STK24: variants seen among roughly 807,000 people sequenced by gnomAD.
STK24 encodes serine/threonine kinase 24.
STK24 carries 21 observed loss-of-function variants against 55.6 expected under a neutral mutation model. The ratio of observed to expected loss-of-function variants is 0.38; its 90% CI spans 0.27 to 0.54. The LOEUF (loss-of-function observed/expected upper bound fraction) is 0.54. Among genes scored for constraint, STK24 ranks in the 20% least tolerant of loss-of-function variants. The pLI, the probability that STK24 is intolerant of heterozygous loss-of-function variation, is 0.79. For synonymous variants in STK24, 200 were observed against 215.2 expected, an observed-to-expected ratio of 0.93 and a Z score of 0.62; for missense variants, 383 against 538.4, an observed-to-expected ratio of 0.71 and a Z score of 2.86.
At chr13:98,520,967 A>T (rs1314478445) in intron 1 of STK24, among the ~76,000 whole-genome samples, 1 of 152,218 alleles carries the variant, frequency 6.6e-6, no homozygotes. Context: ...TTAGTACAAA[A>T]TGAACCAAGG....
chr13:98,536,906 G>A (rs1220026062), intron 1 of STK24, among the ~76,000 whole-genome samples: 4 of 152,038 alleles, frequency 2.6e-5, no homozygotes, highest in African/African-American at 7.3e-5. Context: ...TCCTCCGCCT[G>A]TCCTCCAGTC....
intron 1 of STK24, among the ~76,000 whole-genome samples, chr13:98,571,919 TC>T (rs1449830907): frequency 6.6e-6 from 1 of 152,242 alleles, no homozygotes; most frequent in East Asian, 1.9e-4. Flanking sequence ...CACCCAGCAC[TC>T]CCCACACCTG....
intron 1 of STK24, among the ~76,000 whole-genome samples, chr13:98,529,609 T>C (rs1017989474): frequency 1.3e-5 from 2 of 152,182 alleles, no homozygotes; most frequent in Non-Finnish European, 2.9e-5. Context: ...AGTCCCTTTA[T>C]AGAAAATTCT....
chr13:98,546,216 C>A (rs1452280487), intron 1 of STK24, among the ~76,000 whole-genome samples: 1 of 152,164 alleles, frequency 6.6e-6, no homozygotes, highest in Non-Finnish European at 1.5e-5. Context: ...TCACAAGAGA[C>A]AGCTGTGAAA....
intron 8 of STK24, 84 bp downstream of exon 8, chr13:98,461,690 A>G: frequency 6.3e-7 from 1 of 1,574,976 alleles, no homozygotes; most frequent in South Asian, 1.1e-5. Context: ...CCCCAGCCGC[A>G]CCCACAGCAA....
At chr13:98,531,165 A>T (rs1896570269) in intron 1 of STK24, among the ~76,000 whole-genome samples, 1 of 152,242 alleles carries the variant, frequency 6.6e-6, no homozygotes, top group African/African-American at 2.4e-5. Context: ...TGTCTAAAGC[A>T]AGCCTATTCA....
intron 2 of STK24, among the ~76,000 whole-genome samples, chr13:98,513,102 C>T (rs1277311086): frequency 6.6e-6 from 1 of 152,192 alleles, no homozygotes; most frequent in African/African-American, 2.4e-5. Context: ...GCATTCACAG[C>T]CTCGAGAACA....
chr13:98,548,277 T>C (rs1439914552), intron 1 of STK24, among the ~76,000 whole-genome samples: 1 of 152,028 alleles, frequency 6.6e-6, no homozygotes, highest in Non-Finnish European at 1.5e-5. Flanking sequence ...AAAAACAAAG[T>C]TTTTTTTAAA....
chr13:98,496,788 G>T (rs1220080684), intron 2 of STK24, among the ~76,000 whole-genome samples: 5 of 152,134 alleles, frequency 3.3e-5, no homozygotes, highest in Non-Finnish European at 5.9e-5. Context: ...TTGATTAATC[G>T]GAGCCAACAA....
intron 2 of STK24, among the ~76,000 whole-genome samples, chr13:98,492,329 G>A (rs1236047348): frequency 6.6e-6 from 1 of 152,174 alleles, no homozygotes; most frequent in Admixed American, 6.5e-5. Flanking sequence ...TTCTATGTGT[G>A]AAGAGCGAAG....
At chr13:98,553,264 C>T (rs1405010048) in intron 1 of STK24, 1 of 152,280 alleles carries the variant, frequency 6.6e-6, no homozygotes, top group Non-Finnish European at 1.5e-5. Context: ...TCCCCAGAAG[C>T]CGAGGGGCCA....
intron 1 of STK24, among the ~76,000 whole-genome samples, chr13:98,526,550 C>T (rs1298742158): frequency 2.0e-5 from 3 of 152,186 alleles, no homozygotes. Flanking sequence ...CCAGCAAGCT[C>T]CTGTCTCCTC....
chr13:98,479,662 C>T (rs1374155065), intron 3 of STK24, among the ~76,000 whole-genome samples: 3 of 152,194 alleles, frequency 2.0e-5, no homozygotes, highest in Non-Finnish European at 4.4e-5. Flanking sequence ...CTTCCCCTCT[C>T]TAGGGTGCCC....
At position 98,482,245 on chromosome 13, in the gene STK24, G is replaced by T; in HGVS notation, c.330+20C>A. On this transcript the variant is annotated intron_variant, in intron 3 of 10. Transcript: ENST00000539966. ...GAGAAAAAGCTTTGATACGTATTCT[G>T]CATCCAACATAATACTTACTAGATC... 1.4e-6 allele frequency: 2 copies of T among 1,439,032 alleles called. No homozygotes were observed. The highest frequency in any genetic ancestry group is 1.3e-5 in the South Asian group (1 of 74,810). The allele number at this position is 1,439,032 out of a possible 1,614,324, so 89.1% of individuals were successfully genotyped here. A position where few individuals can be genotyped will look rare whatever the true frequency, so the allele number is the denominator to read the frequency against.
rs1185839382 is a variant in STK24 at position 98,576,770 on chromosome 13, A to C, written c.17T>G (p.Val6Gly). The change falls in exon 1 of 11, where the codon GTG becomes GGG. Residue 6 changes from valine to glycine, a missense_variant. Val to Gly is a moderately radical substitution (Grantham distance 109). Transcript: ENST00000539966. MAHSP[V>G]QSGLPGMQNL... is the part of the protein sequence containing the mutation. ...CTGCATGCCGGGCAGGCCCGACTGC[A>C]CCGGGGAGTGAGCCATGGCGCTCAG... 3 of 1,443,136 alleles carry C rather than the reference A, an allele frequency of 2.1e-6. No individual in the cohort carries two copies. Among genetic ancestry groups the C allele is most frequent in the Non-Finnish European group, 2.7e-6 (3 of 1,100,286 alleles). The allele number at this position is 1,443,136 out of a possible 1,614,324, so 89.4% of individuals were successfully genotyped here.
chr13:98,560,194 G>A (rs577634744), intron 1 of STK24, among the ~76,000 whole-genome samples: 24 of 152,316 alleles, frequency 1.6e-4, no homozygotes, highest in African/African-American at 5.8e-4. Context: ...TCCCCTCGAC[G>A]CTCCAGTCCT....
intron 1 of STK24, among the ~76,000 whole-genome samples, chr13:98,561,080 G>A (rs1161237598): frequency 6.6e-6 from 1 of 152,120 alleles, no homozygotes; most frequent in Non-Finnish European, 1.5e-5. Context: ...CAGTCTGCAG[G>A]CAGTGATCCT....
At chr13:98,513,757 G>A (rs571890930) in intron 2 of STK24, among the ~76,000 whole-genome samples, 16 of 152,254 alleles carry the variant, frequency 1.1e-4, no homozygotes, top group Non-Finnish European at 1.8e-4. Flanking sequence ...ATGAAAGCGC[G>A]GCTGGGACTC....
intron 1 of STK24, among the ~76,000 whole-genome samples, chr13:98,555,162 C>T (rs762844385): frequency 6.6e-5 from 10 of 152,174 alleles, no homozygotes; most frequent in Non-Finnish European, 8.8e-5. Flanking sequence ...TGACTATAAT[C>T]ATGACCTGCT....
Sources: allele counts gnomAD v4.1 joint callset (sites outside exome capture counted in the v4.1 genomes callset), GRCh38; gene constraint gnomAD v4.1.1; transcripts MANE v1.5; gene names NCBI Gene and HGNC (gene_info 2026-07-23, HGNC 2026-07-21).